Variants in SPECC1L observed in about 807,000 individuals in gnomAD.
SPECC1L encodes the protein sperm antigen with calponin homology and coiled-coil domains 1 like, also known as cytospin-A.
In SPECC1L, 40 loss-of-function variants were observed where a neutral mutation model predicts 116.8. The observed-to-expected ratio is 0.34, with a 90% confidence interval of 0.27 to 0.45. The LOEUF is 0.45. Ranked by LOEUF, SPECC1L falls within the 20% of genes least tolerant of loss-of-function variation. The pLI is 1.00. For synonymous variants in SPECC1L, 504 were observed against 500.6 expected (o/e 1.01, Z -0.09); for missense variants, 1,110 against 1,373.6 (o/e 0.81, Z 3.03).
intron 2 of SPECC1L, among the ~76,000 whole-genome samples, chr22:24,280,019 T>A (rs1213581846): frequency 1.3e-5 from 2 of 152,238 alleles, no homozygotes; most frequent in Non-Finnish European, 2.9e-5. Context: ...TGAATTGATG[T>A]CTAAAGGATG....
chr22:24,331,038 A>G (rs75646432), intron 8 of SPECC1L, among the ~76,000 whole-genome samples: 1 of 152,194 alleles, frequency 6.6e-6, no homozygotes, highest in Admixed American at 6.5e-5. Context: ...CACTTGTTTT[A>G]TCTTATAATT....
chr22:24,276,689 C>G lies in SPECC1L; in HGVS notation c.-141-11C>G, dbSNP rs1219704534. 7.1e-6 allele frequency: 3 copies of G among 422,956 alleles called. No homozygotes were observed. Among genetic ancestry groups the G allele is most frequent in the Admixed American group, 2.9e-5 (1 of 34,492 alleles). 26.2% of individuals were successfully genotyped at this position (422,956 alleles called of 1,614,324 possible). Reference sequence around the variant, plus strand: ...TTTAAAGCTATTCTATTCTTCCTCTCTCTCTTCTAGTGTTCTTGGGGAAGA... The same window carrying G: ...TTTAAAGCTATTCTATTCTTCCTCTGTCTCTTCTAGTGTTCTTGGGGAAGA... On this transcript the variant is annotated splice_polypyrimidine_tract_variant and intron_variant, in intron 1 of 16. Transcript: ENST00000314328.
At chr22:24,391,086 A>T (rs924459916) in intron 14 of SPECC1L, among the ~76,000 whole-genome samples, 2 of 151,642 alleles carry the variant, frequency 1.3e-5, no homozygotes, top group African/African-American at 4.8e-5. Flanking sequence ...CCTGTTAGCA[A>T]GGATGGTCTC....
Position 24,365,695 on chromosome 22 carries a change from G to A in SPECC1L, c.2984+63G>A, listed in dbSNP as rs542009710. On this transcript the variant is annotated intron_variant, in intron 13 of 16. Coordinates refer to ENST00000314328, the MANE Select transcript of SPECC1L (RefSeq NM_015330.6). ...CTTTCCTGGCCTTTTGACAGTAAAT[G>A]ATCAAGTTGTAAAATGATGGCATTT... The A allele has an allele frequency of 9.6e-5, 151 of 1,577,496 alleles. 2 individuals carry two copies. The South Asian group carries it at 1.6e-3, about 17-fold the overall frequency.
chr22:24,368,839 G>A (rs922479742), intron 13 of SPECC1L, among the ~76,000 whole-genome samples: 7 of 152,136 alleles, frequency 4.6e-5, no homozygotes, highest in African/African-American at 1.7e-4. Context: ...TAGCAATGAG[G>A]TGTCACCATG....
rs185919161 is a variant in SPECC1L at position 24,318,987 on chromosome 22, T to C, written c.308-2301T>C. Among the ~76,000 whole-genome samples, 211 of 152,290 alleles carry C rather than the reference T, an allele frequency of 1.4e-3. 3 individuals are homozygous for C. The highest frequency in any genetic ancestry group is 0.014 in the Admixed American group (209 of 15,294). On this transcript the variant is annotated intron_variant, in intron 4 of 16. Transcript: ENST00000314328. ...CCGTATACAGTTGTTTATCCCAGTC[T>C]GGTTACTCTTGCCTTTGATATCTGT...
At chr22:24,413,838 C>T (rs746725132) in intron 16 of SPECC1L, among the ~76,000 whole-genome samples, 1 of 152,170 alleles carries the variant, frequency 6.6e-6, no homozygotes, top group Non-Finnish European at 1.5e-5. Context: ...CTCAGCCACA[C>T]GTCCTGTGCT....
At chr22:24,325,353 CA>C (rs557907767) in intron 6 of SPECC1L, among the ~76,000 whole-genome samples, 61 of 152,034 alleles carry the variant, frequency 4.0e-4, no homozygotes, top group African/African-American at 1.4e-3. Flanking sequence ...CTAGTCTTCA[CA>C]ACAAGAACTT....
chr22:24,395,467 G>C (rs1489290517), intron 14 of SPECC1L, among the ~76,000 whole-genome samples: 2 of 152,144 alleles, frequency 1.3e-5, no homozygotes, highest in African/African-American at 4.8e-5. Flanking sequence ...GAGGGGAAAG[G>C]AAGAGGACAT....
intron 5 of SPECC1L, 73 bp from the exon 6 acceptor site, chr22:24,324,147 T>G: frequency 8.0e-7 from 1 of 1,247,884 alleles, no homozygotes; most frequent in Non-Finnish European, 1.2e-6. Context: ...GGAAACTGTG[T>G]GTACCTCAAT....
intron 14 of SPECC1L, among the ~76,000 whole-genome samples, chr22:24,398,974 A>T (rs2042418816): frequency 6.6e-6 from 1 of 152,186 alleles, no homozygotes; most frequent in Non-Finnish European, 1.5e-5. Context: ...GCCAAAGCTA[A>T]ACTAAATCTG....
At chr22:24,299,489 G>A (rs189995951) in intron 2 of SPECC1L, among the ~76,000 whole-genome samples, 1 of 152,086 alleles carries the variant, frequency 6.6e-6, no homozygotes, top group Non-Finnish European at 1.5e-5. Context: ...AGAACCAGCC[G>A]GTCTAAGTGA....
chr22:24,278,222 G>A (rs549690817), intron 2 of SPECC1L, among the ~76,000 whole-genome samples: 375 of 152,204 alleles, frequency 2.5e-3, no homozygotes, highest in South Asian at 5.8e-3. Context: ...TTAGCTGGGC[G>A]TTGTGGCACA....
Position 24,322,414 on chromosome 22 carries a change from C to T in SPECC1L, c.1434C>T (p.Val478=). ...TAGATGAGCATCACATTTCTTATGT[C>T]ATAGATGAAGATGTAAAAAGTGGGC... ...SLLDEHHISY[V]IDEDVKSGRY... is the part of the protein sequence containing the mutation. Residue 478 remains valine, a synonymous_variant, in exon 5 of 17, where the codon GTC becomes GTT. Transcript: ENST00000314328. 1 of 1,614,104 alleles carries T rather than the reference C, an allele frequency of 6.2e-7. No individual in the cohort carries two copies. The highest frequency in any genetic ancestry group is 8.5e-7 in the Non-Finnish European group (1 of 1,180,028).
At chr22:24,375,068 T>G (rs2041946113) in intron 14 of SPECC1L, among the ~76,000 whole-genome samples, 1 of 152,072 alleles carries the variant, frequency 6.6e-6, no homozygotes, top group Admixed American at 6.5e-5. Context: ...ATGCCAAAAA[T>G]TGGATAACTT....
chr22:24,372,272 A>T (rs2041886782), intron 14 of SPECC1L, among the ~76,000 whole-genome samples: 1 of 152,204 alleles, frequency 6.6e-6, no homozygotes, highest in African/African-American at 2.4e-5. Context: ...ATACTCCCTA[A>T]CTCGTTTTAT....
At chr22:24,411,820 C>T (rs2042704572) in intron 15 of SPECC1L, 116 bp downstream of exon 15, 8 of 861,168 alleles carry the variant, frequency 9.3e-6, no homozygotes, top group South Asian at 2.7e-5. Context: ...GCGATTGCCT[C>T]GTGCCATCTG....
At chr22:24,298,448 T>C (rs560415345) in intron 2 of SPECC1L, among the ~76,000 whole-genome samples, 66 of 152,226 alleles carry the variant, frequency 4.3e-4, no homozygotes, top group African/African-American at 1.5e-3. Context: ...GGGGAAGCAT[T>C]CTATATATAA....
intron 2 of SPECC1L, among the ~76,000 whole-genome samples, chr22:24,281,420 T>C (rs2048940180): frequency 6.6e-6 from 1 of 152,246 alleles, no homozygotes; most frequent in Non-Finnish European, 1.5e-5. Context: ...CTTAATAAAA[T>C]TGAATCTCCT....
Sources: gnomAD v4.1 joint callset for allele counts (sites outside exome capture counted in the v4.1 genomes callset) on GRCh38, gnomAD v4.1.1 for gene constraint, MANE v1.5 for transcripts, NCBI Gene and HGNC (gene_info 2026-07-23, HGNC 2026-07-21) for gene names.